The following ID2 variants were observed in gnomAD, a reference collection of about 807,000 sequenced individuals.
The protein encoded by ID2 is DNA-binding protein inhibitor ID-2.
ID2 carries 2 observed loss-of-function variants against 8.3 expected under a neutral mutation model. The ratio of observed to expected loss-of-function variants is 0.24; its 90% CI spans 0.10 to 0.76. The LOEUF is 0.76. Ranked by LOEUF, ID2 falls within the 30% of genes least tolerant of loss-of-function variation. The pLI is 0.73. For synonymous variants in ID2, 112 were observed against 72.3 expected, an observed-to-expected ratio of 1.55 and a Z score of -2.79; for missense variants, 155 against 167.0, an observed-to-expected ratio of 0.93 and a Z score of 0.40.
chr2:8,683,101 C>T (rs1662136353), intron 2 of ID2, 195 bp downstream of exon 2: 2 of 601,188 alleles, frequency 3.3e-6, no homozygotes, highest in Non-Finnish European at 6.0e-6. Context: ...GATCACAGAA[C>T]ATTTTCCTTT....
intron 1 of ID2, 66 bp from the exon 2 acceptor site, chr2:8,682,777 A>G: frequency 8.0e-7 from 1 of 1,250,934 alleles, no homozygotes; most frequent in Non-Finnish European, 1.1e-6. Context: ...AAAAAAAAAA[A>G]AAAAAAAAAA....
chr2:8,683,297 C>T (rs1245417809), intron 2 of ID2, among the ~76,000 whole-genome samples: 1 of 152,168 alleles, frequency 6.6e-6, no homozygotes, highest in African/African-American at 2.4e-5. Flanking sequence ...AACTATAGTC[C>T]TCTGGGATTC....
In ID2 at chr2:8,682,788, C is replaced by G; in HGVS notation, c.349-55C>G. 7 of 993,600 alleles carry G rather than the reference C, an allele frequency of 7.0e-6. No homozygotes were observed. The South Asian group carries it at 8.4e-5, about 12-fold the overall frequency. 61.5% of individuals were successfully genotyped at this position (993,600 alleles called of 1,614,324 possible). ...AAAAAAAAAAAAAAAAAAAAAAAAA[C>G]CCTTTCTACTTAACATTGTCTTAAC... On this transcript the variant is annotated intron_variant, in intron 1 of 2. Transcript: ENST00000396290.
intron 1 of ID2, 97 bp from the exon 2 acceptor site, chr2:8,682,746 G>T: frequency 1.1e-6 from 1 of 949,412 alleles, no homozygotes. Flanking sequence ...AATGGAACTT[G>T]CTGGTCTGTG....
In ID2 at chr2:8,684,178, G is replaced by C. The variant is rs1662182542; in HGVS notation, c.*501G>C. 6.6e-6 allele frequency: 1 copy of C among 152,154 alleles called. No individual in the cohort carries two copies. The highest frequency in any genetic ancestry group is 2.4e-5 in the African/African-American group (1 of 41,354). 9.4% of individuals were successfully genotyped at this position (152,154 alleles called of 1,614,324 possible). On this transcript the variant is annotated 3_prime_UTR_variant, in exon 3 of 3. Transcript: ENST00000396290. ...TGAAACCTTGTGAACTCTTTAATTAGAGTTTTCTTGTATAGTGGCAGAGAT... is the reference window on the plus strand; with the variant it reads ...TGAAACCTTGTGAACTCTTTAATTACAGTTTTCTTGTATAGTGGCAGAGAT...
rs1451198304 is a variant in ID2 at position 8,682,878 on chromosome 2, C to G, written c.384C>G (p.Asp128Glu). Residue 128 changes from aspartate to glutamate, a missense_variant, in exon 2 of 3, where the codon GAC (aspartate) becomes GAG (glutamate). Transcript: ENST00000396290. ...SEFPSELMSN[D>E]SKALCG Reference sequence around the variant, plus strand: ...TCCCTTCTGAGTTAATGTCAAATGACAGCAAAGCACTGTGTGGCTGAATAA... The same window carrying G: ...TCCCTTCTGAGTTAATGTCAAATGAGAGCAAAGCACTGTGTGGCTGAATAA... The G allele has an allele frequency of 2.5e-6, 4 of 1,613,624 alleles. No individual in the cohort carries two copies. Among genetic ancestry groups the G allele is most frequent in the Non-Finnish European group, 3.4e-6 (4 of 1,179,730 alleles).
In ID2 at chr2:8,683,780, G is replaced by A. The variant is rs1368453111; in HGVS notation, c.*103G>A. On this transcript the variant is annotated 3_prime_UTR_variant, in exon 3 of 3. Transcript: ENST00000396290. ...AACTTATTTTTCAACCATTTCACAA[G>A]GAGGACAAGTTGAATGGACCTTTTT... is the stretch of plus-strand genomic sequence containing the variant. The A allele has an allele frequency of 1.3e-5, 2 of 152,224 alleles. No individual in the cohort carries two copies. Among genetic ancestry groups the A allele is most frequent in the Non-Finnish European group, 2.9e-5 (2 of 68,028 alleles). The allele number at this position is 152,224 out of a possible 1,614,324, so 9.4% of individuals were successfully genotyped here.
chr2:8,682,525 T>C lies in ID2; in HGVS notation c.348+12T>C. On this transcript the variant is annotated intron_variant, in intron 1 of 2. Coordinates refer to ENST00000396290, the MANE Select transcript of ID2 (RefSeq NM_002166.5). The stretch of plus-strand genomic sequence containing the variant: ...TCCTGTCCTTGCAGGTAAGACCTGC[T>C]CCGGGGTCCCCGCCCCGCCGCCGCA... The C allele has an allele frequency of 6.3e-7, 1 of 1,592,370 alleles. No individual in the cohort carries two copies. The highest frequency in any genetic ancestry group is 8.6e-7 in the Non-Finnish European group (1 of 1,163,848).
In ID2 at chr2:8,682,825, T is replaced by C. The variant is rs1422208218; in HGVS notation, c.349-18T>C. On this transcript the variant is annotated intron_variant, in intron 1 of 2. Transcript: ENST00000396290. ...AACATTGTCTTAACCTCGTACTCTT[T>C]ATCCTCTTTCTTTCCAGGCTTCTGA... 2 of 1,599,732 alleles carry C rather than the reference T, an allele frequency of 1.3e-6. No individual in the cohort carries two copies. The highest frequency in any genetic ancestry group is 1.1e-5 in the South Asian group (1 of 90,778).
In ID2 at chr2:8,684,126, A is replaced by G. The variant is rs1662179819; in HGVS notation, c.*449A>G. The G allele has an allele frequency of 1.3e-5, 2 of 152,190 alleles. No individual in the cohort carries two copies. The highest frequency in any genetic ancestry group is 2.1e-4 in the South Asian group (1 of 4,834). 9.4% of individuals were successfully genotyped at this position (152,190 alleles called of 1,614,324 possible). A position where few individuals can be genotyped will look rare whatever the true frequency, so the allele number is the denominator to read the frequency against. On this transcript the variant is annotated 3_prime_UTR_variant, in exon 3 of 3. Transcript: ENST00000396290. ...CAAGCCTACTGAATGCTGTGTATAT[A>G]TTTATATATAAATATATCTATTTGA...
At position 8,682,112 on chromosome 2, in the gene ID2, C is replaced by T. The variant is rs1435683300; in HGVS notation, c.-54C>T. The T allele has an allele frequency of 4.8e-6, 7 of 1,458,038 alleles. No individual in the cohort carries two copies. The Admixed American group carries it at 7.0e-5, about 15-fold the overall frequency. The allele number at this position is 1,458,038 out of a possible 1,614,324, so 90.3% of individuals were successfully genotyped here. On this transcript the variant is annotated 5_prime_UTR_variant, in exon 1 of 3. Transcript: ENST00000396290. ...TAGCTCAGCAGGCGGCAGCGGCGGC[C>T]TGAGCTTCAGGGCAGCCAGCTCCCT...
intron 2 of ID2, 116 bp from the exon 3 acceptor site, chr2:8,683,569 A>G (rs1251429423): frequency 1.3e-5 from 2 of 152,276 alleles, no homozygotes; most frequent in African/African-American, 2.4e-5. Flanking sequence ...GGTTTGCCCA[A>G]TCTTTGAGTG....
Position 8,683,973 on chromosome 2 carries a change from A to G in ID2, c.*296A>G, listed in dbSNP as rs1662175520. 1 of 152,670 alleles carries G rather than the reference A, an allele frequency of 6.6e-6. No individual in the cohort carries two copies. 9.5% of individuals were successfully genotyped at this position (152,670 alleles called of 1,614,324 possible). A position where few individuals can be genotyped will look rare whatever the true frequency, so the allele number is the denominator to read the frequency against. The stretch of plus-strand genomic sequence containing the variant: ...TCCCACCATGGGGAGCGAAAACGTT[A>G]AAATCACAAGGAATTGCCCAATCTA... On this transcript the variant is annotated 3_prime_UTR_variant, in exon 3 of 3. Coordinates refer to ENST00000396290, the MANE Select transcript of ID2 (RefSeq NM_002166.5).
rs374854911 is a variant in ID2 at position 8,682,285 on chromosome 2, C to T, written c.120C>T (p.Asn40=). ...DDPMSLLYNM[N]DCYSKLKELV... Reference sequence around the variant, plus strand: ...CGATGAGCCTGCTATACAACATGAACGACTGCTACTCCAAGCTCAAGGAGC... The same window carrying T: ...CGATGAGCCTGCTATACAACATGAATGACTGCTACTCCAAGCTCAAGGAGC... The change falls in exon 1 of 3, where the codon AAC becomes AAT. Residue 40 remains asparagine, a synonymous_variant. Coordinates refer to ENST00000396290, the MANE Select transcript of ID2 (RefSeq NM_002166.5). The T allele has an allele frequency of 6.8e-6, 11 of 1,614,048 alleles. No individual in the cohort carries two copies. In the African/African-American group the frequency reaches 1.2e-4, roughly 18 times the overall value.
Position 8,682,989 on chromosome 2 carries a change from C to G in ID2, c.*7+83C>G, listed in dbSNP as rs923840855. 1.7e-5 allele frequency: 17 copies of G among 1,001,426 alleles called. No homozygotes were observed. In the Admixed American group the frequency reaches 2.7e-4, roughly 16 times the overall value. 62.0% of individuals were successfully genotyped at this position (1,001,426 alleles called of 1,614,324 possible). A position where few individuals can be genotyped will look rare whatever the true frequency, so the allele number is the denominator to read the frequency against. On this transcript the variant is annotated intron_variant, in intron 2 of 2. Coordinates refer to ENST00000396290, the MANE Select transcript of ID2 (RefSeq NM_002166.5). ...CGCGCATGTGTTTTTGCTTGTGTAT[C>G]TATAAAATGTCTGATTTGGTAAATG...
intron 1 of ID2, 50 bp downstream of exon 1, chr2:8,682,563 C>A: frequency 1.4e-6 from 2 of 1,389,302 alleles, no homozygotes; most frequent in South Asian, 2.4e-5. Flanking sequence ...CTCCCGCGGT[C>A]GTCTGGGCTG....
intron 2 of ID2, 103 bp from the exon 3 acceptor site, chr2:8,683,582 T>G (rs182750881): frequency 2.0e-5 from 3 of 152,352 alleles, no homozygotes; most frequent in African/African-American, 7.2e-5. Context: ...TTTGAGTGTT[T>G]GGTTAAATGT....
intron 1 of ID2, 43 bp downstream of exon 1, chr2:8,682,556 C>G: frequency 1.4e-6 from 2 of 1,455,368 alleles, no homozygotes; most frequent in Non-Finnish European, 1.9e-6. Context: ...CCGCACACTC[C>G]CGCGGTCGTC....
chr2:8,684,116 C>T lies in ID2; in HGVS notation c.*439C>T, dbSNP rs1048470546. The T allele has an allele frequency of 2.6e-5, 4 of 152,154 alleles. No individual in the cohort carries two copies. Among genetic ancestry groups the T allele is most frequent in the African/African-American group, 9.7e-5 (4 of 41,378 alleles). The allele number at this position is 152,154 out of a possible 1,614,324, so 9.4% of individuals were successfully genotyped here. ...CTTTTTGACACAAGCCTACTGAATG[C>T]TGTGTATATATTTATATATAAATAT... On this transcript the variant is annotated 3_prime_UTR_variant, in exon 3 of 3. Coordinates refer to ENST00000396290, the MANE Select transcript of ID2 (RefSeq NM_002166.5).
Sources: allele counts gnomAD v4.1 joint callset (sites outside exome capture counted in the v4.1 genomes callset), GRCh38; gene constraint gnomAD v4.1.1; transcripts MANE v1.5; gene names NCBI Gene and HGNC (gene_info 2026-07-23, HGNC 2026-07-21).